Variants in EPB41L2 observed in about 807,000 individuals in gnomAD.
EPB41L2 encodes the protein erythrocyte membrane protein band 4.1 like 2, also known as band 4.1-like protein 2.
EPB41L2 carries 43 observed loss-of-function variants against 113.0 expected under a neutral mutation model. The observed-to-expected ratio is 0.38, with a 90% confidence interval of 0.30 to 0.49. EPB41L2 has a LOEUF of 0.49. Ranked by LOEUF, EPB41L2 falls within the 20% of genes least tolerant of loss-of-function variation. The probability of loss-of-function intolerance (pLI) is 0.95; values close to 1 mark genes in which losing one functional copy is unlikely to be tolerated. For synonymous variants in EPB41L2, 442 were observed against 436.7 expected, an observed-to-expected ratio of 1.01 and a Z score of -0.15; for missense variants, 1,147 against 1,223.4, an observed-to-expected ratio of 0.94 and a Z score of 0.93.
chr6:130,934,790 T>C (rs972499998), intron 3 of EPB41L2, among the ~76,000 whole-genome samples: 10 of 141,794 alleles, frequency 7.1e-5, no homozygotes, highest in African/African-American at 2.8e-4. Flanking sequence ...CCTTTCTTTT[T>C]GTTTTCTTTT....
intron 3 of EPB41L2, among the ~76,000 whole-genome samples, chr6:130,934,796 CTTTTT>C (rs34793686): frequency 2.3e-5 from 3 of 129,296 alleles, no homozygotes; most frequent in African/African-American, 8.3e-5. Context: ...TTTTTGTTTT[CTTTTT>C]TTTTTTTTTT....
intron 19 of EPB41L2, among the ~76,000 whole-genome samples, chr6:130,855,051 A>C (rs1358037338): frequency 1.3e-5 from 2 of 151,654 alleles, no homozygotes; most frequent in Non-Finnish European, 2.9e-5. Context: ...TAAATAAATA[A>C]ATAAAACCAT....
chr6:130,975,478 G>A (rs1777982286), intron 1 of EPB41L2, among the ~76,000 whole-genome samples: 1 of 152,052 alleles, frequency 6.6e-6, no homozygotes, highest in African/African-American at 2.4e-5. Flanking sequence ...AAGATACAGA[G>A]AACCCAATAA....
intron 4 of EPB41L2, among the ~76,000 whole-genome samples, chr6:130,914,568 T>C (rs1470975713): frequency 1.3e-5 from 2 of 152,172 alleles, no homozygotes; most frequent in Non-Finnish European, 2.9e-5. Flanking sequence ...TCTTTGTCCA[T>C]GGACAACTGC....
intron 1 of EPB41L2, among the ~76,000 whole-genome samples, chr6:130,959,283 T>C (rs1284562233): frequency 5.9e-5 from 9 of 152,126 alleles, no homozygotes; most frequent in Admixed American, 5.9e-4. Context: ...TGGAGATGTC[T>C]AGATGACCCC....
intron 14 of EPB41L2, among the ~76,000 whole-genome samples, chr6:130,873,798 C>T (rs188946972): frequency 1.3e-5 from 2 of 152,184 alleles, no homozygotes; most frequent in East Asian, 1.9e-4. Flanking sequence ...AAATCAATGA[C>T]GCTCCTAAGG....
intron 1 of EPB41L2, among the ~76,000 whole-genome samples, chr6:131,037,878 C>T (rs1793679060): frequency 6.6e-6 from 1 of 151,984 alleles, no homozygotes; most frequent in African/African-American, 2.4e-5. Context: ...CATGAGCCAT[C>T]GCACCCAGCC....
rs752338588 is a variant in EPB41L2 at position 130,899,485 on chromosome 6, C to T, written c.1236+6G>A. ...ATGATGCTACTCCCCGTTACATTTACAGTACCTTGGCATGATGTAGGTCAA... is the reference window on the plus strand; with the variant it reads ...ATGATGCTACTCCCCGTTACATTTATAGTACCTTGGCATGATGTAGGTCAA... On this transcript the variant is annotated splice_donor_region_variant and intron_variant, in intron 8 of 19. Transcript: ENST00000337057. 5.0e-6 allele frequency: 8 copies of T among 1,612,068 alleles called. No homozygotes were observed. The East Asian group carries it at 8.9e-5, about 18-fold the overall frequency.
chr6:131,004,075 A>C (rs1784928064), intron 1 of EPB41L2, among the ~76,000 whole-genome samples: 1 of 152,250 alleles, frequency 6.6e-6, no homozygotes, highest in African/African-American at 2.4e-5. Context: ...TACAGCTCTA[A>C]ACCTTTATTT....
chr6:130,962,020 G>C (rs1038874971), intron 1 of EPB41L2, among the ~76,000 whole-genome samples: 1 of 152,128 alleles, frequency 6.6e-6, no homozygotes, highest in Non-Finnish European at 1.5e-5. Context: ...TCTGCTTGTG[G>C]GTAGAGGATA....
At chr6:130,869,459 G>C in intron 15 of EPB41L2, 104 bp downstream of exon 15, 1 of 1,068,380 alleles carries the variant, frequency 9.4e-7, no homozygotes, top group Non-Finnish European at 1.3e-6. Context: ...TCAGATTCTT[G>C]TTGAAAAAAG....
At chr6:130,851,088 T>G (rs562303138) in intron 19 of EPB41L2, among the ~76,000 whole-genome samples, 1 of 152,160 alleles carries the variant, frequency 6.6e-6, no homozygotes, top group African/African-American at 2.4e-5. Flanking sequence ...CTAACACAAC[T>G]AGGCAAACAG....
At chr6:130,858,690 A>G (rs929677163) in intron 18 of EPB41L2, among the ~76,000 whole-genome samples, 3 of 152,260 alleles carry the variant, frequency 2.0e-5, no homozygotes, top group African/African-American at 4.8e-5. Flanking sequence ...CTGTCACCCA[A>G]TTGCCTGAAA....
chr6:130,988,711 G>A (rs757760830), intron 1 of EPB41L2, among the ~76,000 whole-genome samples: 2 of 152,098 alleles, frequency 1.3e-5, no homozygotes. Flanking sequence ...AAAAATATTT[G>A]GAGGGAAATC....
intron 1 of EPB41L2, among the ~76,000 whole-genome samples, chr6:130,986,724 T>C (rs993869889): frequency 1.3e-5 from 2 of 152,158 alleles, no homozygotes; most frequent in African/African-American, 4.8e-5. Context: ...TAGCTGAGAT[T>C]ATAGGCACGT....
chr6:130,965,902 TTAAAC>T (rs1409623847), intron 1 of EPB41L2, among the ~76,000 whole-genome samples: 1 of 152,152 alleles, frequency 6.6e-6, no homozygotes, highest in Non-Finnish European at 1.5e-5. Flanking sequence ...TGTCCACACT[TTAAAC>T]TAGTAATCCT....
At chr6:130,944,205 A>AAATGCC (rs1042873206) in intron 3 of EPB41L2, among the ~76,000 whole-genome samples, 2 of 151,634 alleles carry the variant, frequency 1.3e-5, no homozygotes, top group Non-Finnish European at 2.9e-5. Context: ...ACACACACAC[A>AAATGCC]CAAATGCCCA....
intron 19 of EPB41L2, among the ~76,000 whole-genome samples, chr6:130,843,363 A>C (rs1290119639): frequency 6.6e-6 from 1 of 152,196 alleles, no homozygotes; most frequent in East Asian, 1.9e-4. Context: ...ACATATTCCA[A>C]CCAAACTGAA....
At chr6:130,890,943 T>C (rs1311408177) in intron 10 of EPB41L2, among the ~76,000 whole-genome samples, 1 of 152,226 alleles carries the variant, frequency 6.6e-6, no homozygotes, top group Non-Finnish European at 1.5e-5. Flanking sequence ...AGTGGATCTG[T>C]AGAGATGGCT....
Sources: allele counts gnomAD v4.1 joint callset (sites outside exome capture counted in the v4.1 genomes callset), GRCh38; gene constraint gnomAD v4.1.1; transcripts MANE v1.5; gene names NCBI Gene and HGNC (gene_info 2026-07-23, HGNC 2026-07-21).